IMMP2L: variants seen among roughly 807,000 people sequenced by gnomAD.
IMMP2L encodes the protein inner mitochondrial membrane peptidase subunit 2.
A neutral mutation model predicts 19.3 loss-of-function variants in IMMP2L; 18 were observed. The observed-to-expected ratio is 0.93, with a 90% confidence interval of 0.64 to 1.38. IMMP2L has a LOEUF of 1.38. Ranked by LOEUF, IMMP2L falls within the 40% of genes most tolerant of loss-of-function variation. IMMP2L has a pLI of 0.00. For missense variants in IMMP2L, 233 were observed against 218.2 expected (o/e 1.07, Z -0.43); for synonymous variants, 76 against 73.0 (o/e 1.04, Z -0.21).
At chr7:110,825,134 G>A (rs911498082) in intron 5 of IMMP2L, among the ~76,000 whole-genome samples, 2 of 152,120 alleles carry the variant, frequency 1.3e-5, no homozygotes, top group East Asian at 1.9e-4. Flanking sequence ...TACAAGGGAT[G>A]TGAAGGACCT....
At chr7:111,171,468 G>C (rs1179227772) in intron 3 of IMMP2L, among the ~76,000 whole-genome samples, 1 of 151,472 alleles carries the variant, frequency 6.6e-6, no homozygotes, top group Non-Finnish European at 1.5e-5. Flanking sequence ...AGAGAAAGAA[G>C]CATTAGGGAA....
At chr7:111,117,279 G>C (rs1799999927) in intron 3 of IMMP2L, among the ~76,000 whole-genome samples, 1 of 152,086 alleles carries the variant, frequency 6.6e-6, no homozygotes, top group African/African-American at 2.4e-5. Context: ...TCACAGAATA[G>C]TATCATGTAA....
intron 3 of IMMP2L, among the ~76,000 whole-genome samples, chr7:111,012,879 A>T (rs1322992046): frequency 6.6e-6 from 1 of 152,200 alleles, no homozygotes; most frequent in Non-Finnish European, 1.5e-5. Flanking sequence ...AAAATAACGA[A>T]CATCCTAAAT....
At chr7:111,156,213 T>C (rs905208825) in intron 3 of IMMP2L, among the ~76,000 whole-genome samples, 3 of 152,060 alleles carry the variant, frequency 2.0e-5, no homozygotes, top group African/African-American at 7.2e-5. Context: ...TTGGACTGTA[T>C]TTAGGATTAG....
intron 4 of IMMP2L, among the ~76,000 whole-genome samples, chr7:110,893,185 C>T (rs183724642): frequency 1.3e-5 from 2 of 152,140 alleles, no homozygotes; most frequent in East Asian, 3.9e-4. Flanking sequence ...AAAATACATA[C>T]CTTAATTTAA....
Position 111,031,472 on chromosome 7 carries a change from G to A in IMMP2L, c.240-67907C>T, listed in dbSNP as rs183569788. Among the ~76,000 whole-genome samples the A allele has an allele frequency of 1.7e-3, 257 of 151,358 alleles. 1 individual carries two copies. Among genetic ancestry groups the A allele is most frequent in the Non-Finnish European group, 2.7e-3 (186 of 67,866 alleles). ...AGGGACACCAAAGCCAACTAAAACA[G>A]CTCCCAATGGCCAAAGCTGAAATAA... On this transcript the variant is annotated intron_variant, in intron 3 of 5. Coordinates refer to ENST00000405709, the MANE Select transcript of IMMP2L (RefSeq NM_032549.4).
intron 4 of IMMP2L, among the ~76,000 whole-genome samples, chr7:110,928,744 T>C (rs1815149576): frequency 1.3e-5 from 2 of 152,136 alleles, no homozygotes; most frequent in African/African-American, 4.8e-5. Context: ...AGGAATATAA[T>C]CTATCCCTCA....
intron 4 of IMMP2L, among the ~76,000 whole-genome samples, chr7:110,929,892 G>A (rs1416058493): frequency 6.6e-6 from 1 of 151,954 alleles, no homozygotes; most frequent in African/African-American, 2.4e-5. Flanking sequence ...GAATTTCATC[G>A]AGTTCCCAAT....
chr7:111,097,741 C>G (rs1213624890), intron 3 of IMMP2L, among the ~76,000 whole-genome samples: 1 of 151,778 alleles, frequency 6.6e-6, no homozygotes, highest in East Asian at 1.9e-4. Context: ...TTTATCAAAA[C>G]TCAGTCACTC....
At chr7:111,118,588 C>T (rs1186192088) in intron 3 of IMMP2L, among the ~76,000 whole-genome samples, 1 of 151,904 alleles carries the variant, frequency 6.6e-6, no homozygotes, top group Non-Finnish European at 1.5e-5. Flanking sequence ...TGTACCTCAC[C>T]AACCTATCTC....
At chr7:111,168,742 G>C (rs1292390050) in intron 3 of IMMP2L, among the ~76,000 whole-genome samples, 2 of 151,732 alleles carry the variant, frequency 1.3e-5, no homozygotes, top group Admixed American at 1.3e-4. Flanking sequence ...CTTTCTGTAG[G>C]AAATAATTTG....
intron 5 of IMMP2L, among the ~76,000 whole-genome samples, chr7:110,848,881 G>C (rs1269175982): frequency 6.6e-6 from 1 of 152,074 alleles, no homozygotes; most frequent in African/African-American, 2.4e-5. Context: ...AAACTATTAT[G>C]ACAGTAAAAA....
At chr7:111,455,282 C>T (rs1439412746) in intron 3 of IMMP2L, among the ~76,000 whole-genome samples, 1 of 150,998 alleles carries the variant, frequency 6.6e-6, no homozygotes, top group Non-Finnish European at 1.5e-5. Context: ...TAAAATTCTC[C>T]TTTGAATTAT....
chr7:111,124,852 C>A (rs769476294), intron 3 of IMMP2L: 1 of 1,609,982 alleles, frequency 6.2e-7, no homozygotes, highest in Non-Finnish European at 8.5e-7. Flanking sequence ...AAGTACATCA[C>A]TGAAAGTAAA....
intron 3 of IMMP2L, among the ~76,000 whole-genome samples, chr7:111,271,584 CTAAG>C (rs1818474911): frequency 1.3e-5 from 2 of 152,062 alleles, no homozygotes; most frequent in Admixed American, 6.6e-5. Flanking sequence ...AGGTTGGGGC[CTAAG>C]TAAGTCCATG....
rs1290274249 is a variant in IMMP2L at position 111,088,301 on chromosome 7, T to C, written c.240-124736A>G. Among the ~76,000 whole-genome samples, 5 of 152,194 alleles carry C rather than the reference T, an allele frequency of 3.3e-5. No homozygotes were observed. The East Asian group carries it at 7.7e-4, about 23-fold the overall frequency. ...ATTATTCATTTACATTTTAAAACCATTTCAATACATTTCCATTAAAACTCA... is the reference window on the plus strand; with the variant it reads ...ATTATTCATTTACATTTTAAAACCACTTCAATACATTTCCATTAAAACTCA... On this transcript the variant is annotated intron_variant, in intron 3 of 5. Transcript: ENST00000405709.
At chr7:111,206,315 T>C (rs1810702000) in intron 3 of IMMP2L, among the ~76,000 whole-genome samples, 1 of 152,166 alleles carries the variant, frequency 6.6e-6, no homozygotes, top group South Asian at 2.1e-4. Flanking sequence ...TATCCCTTTA[T>C]ACCAGTAAGT....
At chr7:111,272,669 G>C (rs955073601) in intron 3 of IMMP2L, among the ~76,000 whole-genome samples, 1 of 152,100 alleles carries the variant, frequency 6.6e-6, no homozygotes, top group Admixed American at 6.6e-5. Flanking sequence ...AAGTAGAAAA[G>C]AGCTGACCAA....
At chr7:111,002,252 C>G (rs988714474) in intron 3 of IMMP2L, among the ~76,000 whole-genome samples, 1 of 152,044 alleles carries the variant, frequency 6.6e-6, no homozygotes, top group Non-Finnish European at 1.5e-5. Context: ...GAAAGCCTCT[C>G]CAGCCCAGAG....
Sources: gnomAD v4.1 joint callset for allele counts (sites outside exome capture counted in the v4.1 genomes callset) on GRCh38, gnomAD v4.1.1 for gene constraint, MANE v1.5 for transcripts, NCBI Gene and HGNC (gene_info 2026-07-23, HGNC 2026-07-21) for gene names.